Variants in ADAMTSL3 observed in about 807,000 individuals in gnomAD.
ADAMTSL3 encodes ADAMTS like 3, also known as ADAMTS-like protein 3.
In ADAMTSL3, 128 loss-of-function variants were observed where a neutral mutation model predicts 201.7. The ratio of observed to expected loss-of-function variants is 0.63; its 90% CI spans 0.55 to 0.73. The LOEUF (loss-of-function observed/expected upper bound fraction) is 0.73. Among genes scored for constraint, ADAMTSL3 ranks in the 30% least tolerant of loss-of-function variants. The pLI, the probability that ADAMTSL3 is intolerant of heterozygous loss-of-function variation, is 0.00. For synonymous variants in ADAMTSL3, 738 were observed against 748.4 expected, an observed-to-expected ratio of 0.99 and a Z score of 0.23; for missense variants, 1,990 against 2,119.6, an observed-to-expected ratio of 0.94 and a Z score of 1.20.
intron 23 of ADAMTSL3, among the ~76,000 whole-genome samples, chr15:84,003,262 C>G (rs1181617685): frequency 2.0e-5 from 3 of 151,936 alleles, no homozygotes; most frequent in Admixed American, 6.6e-5. Flanking sequence ...CCCACTTTTT[C>G]TTGGTTACCA....
At chr15:83,985,894 T>C (rs905553448) in intron 21 of ADAMTSL3, among the ~76,000 whole-genome samples, 16 of 152,068 alleles carry the variant, frequency 1.1e-4, no homozygotes, top group Non-Finnish European at 2.1e-4. Flanking sequence ...CCTCCCAAAG[T>C]GCTGGGATTA....
intron 2 of ADAMTSL3, among the ~76,000 whole-genome samples, chr15:83,699,032 C>G (rs2061727925): frequency 6.6e-6 from 1 of 151,976 alleles, no homozygotes; most frequent in South Asian, 2.1e-4. Context: ...GGGTGTCAGG[C>G]AAAGCCCTCT....
intron 6 of ADAMTSL3, among the ~76,000 whole-genome samples, chr15:83,827,523 C>T (rs1228830088): frequency 6.6e-6 from 1 of 152,078 alleles, no homozygotes; most frequent in Non-Finnish European, 1.5e-5. Context: ...TAGTTAGATC[C>T]CATTTGTCAA....
chr15:84,018,957 T>C (rs2068140767), intron 25 of ADAMTSL3, among the ~76,000 whole-genome samples: 2 of 152,114 alleles, frequency 1.3e-5, no homozygotes, highest in Admixed American at 1.3e-4. Context: ...GAATAATGAA[T>C]ACATAAGCCA....
chr15:83,864,240 G>A (rs2064927967), intron 8 of ADAMTSL3, among the ~76,000 whole-genome samples: 1 of 152,090 alleles, frequency 6.6e-6, no homozygotes, highest in South Asian at 2.1e-4. Context: ...AGAAAAAGAG[G>A]GAATCCTCCC....
chr15:84,024,071 C>T (rs775563153), intron 26 of ADAMTSL3, among the ~76,000 whole-genome samples: 12 of 152,068 alleles, frequency 7.9e-5, no homozygotes, highest in Non-Finnish European at 1.3e-4. Flanking sequence ...TTGGCTAACA[C>T]GGTGAAACCC....
intron 19 of ADAMTSL3, among the ~76,000 whole-genome samples, chr15:83,957,595 G>A (rs1257950583): frequency 3.9e-5 from 6 of 152,028 alleles, no homozygotes; most frequent in African/African-American, 1.4e-4. Context: ...GACAGGACAT[G>A]AGCAAAAAAG....
At chr15:83,962,999 T>A (rs896829536) in intron 19 of ADAMTSL3, among the ~76,000 whole-genome samples, 3 of 152,176 alleles carry the variant, frequency 2.0e-5, no homozygotes, top group Admixed American at 6.5e-5. Context: ...GTACTACACT[T>A]TTCCCATGGT....
At chr15:83,790,843 A>G (rs1438332693) in intron 4 of ADAMTSL3, among the ~76,000 whole-genome samples, 1 of 152,222 alleles carries the variant, frequency 6.6e-6, no homozygotes, top group Non-Finnish European at 1.5e-5. Flanking sequence ...AATCAATTGT[A>G]TTTCTCTTAC....
rs747456748 is a variant in ADAMTSL3 at position 83,895,176 on chromosome 15, A to G, written c.1467+2288A>G. On this transcript the variant is annotated intron_variant, in intron 13 of 29. Transcript: ENST00000286744. ...CGTGCCAGAATTCATGTGATGGTCTATCATCAAAAATTATTTTTAAGGGTC... is the reference window on the plus strand; with the variant it reads ...CGTGCCAGAATTCATGTGATGGTCTGTCATCAAAAATTATTTTTAAGGGTC... Among the ~76,000 whole-genome samples the G allele has an allele frequency of 3.9e-5, 6 of 152,214 alleles. No homozygotes were observed. The East Asian group carries it at 1.2e-3, about 29-fold the overall frequency.
At chr15:83,802,963 TTTATG>T (rs1448697955) in intron 4 of ADAMTSL3, among the ~76,000 whole-genome samples, 2 of 152,138 alleles carry the variant, frequency 1.3e-5, no homozygotes, top group Non-Finnish European at 2.9e-5. Flanking sequence ...GATGGTAAAT[TTTATG>T]TTATGTGTAT....
At chr15:83,942,280 C>G (rs926016238) in intron 17 of ADAMTSL3, among the ~76,000 whole-genome samples, 4 of 152,126 alleles carry the variant, frequency 2.6e-5, no homozygotes, top group African/African-American at 9.7e-5. Context: ...TGCCTTGGGG[C>G]TCCATTCAAA....
intron 19 of ADAMTSL3, among the ~76,000 whole-genome samples, chr15:83,944,292 G>C (rs1290574832): frequency 2.0e-5 from 3 of 152,150 alleles, no homozygotes; most frequent in African/African-American, 7.2e-5. Context: ...CTTTGCTCCA[G>C]TCTTGCTGCA....
chr15:83,715,273 C>T (rs1051698846), intron 3 of ADAMTSL3, among the ~76,000 whole-genome samples: 1 of 152,170 alleles, frequency 6.6e-6, no homozygotes. Flanking sequence ...TTGCCTCTTC[C>T]AGGAAACCAT....
chr15:83,857,937 AT>A (rs2141771425), intron 7 of ADAMTSL3, among the ~76,000 whole-genome samples: 2 of 152,358 alleles, frequency 1.3e-5, no homozygotes, highest in East Asian at 3.9e-4. Flanking sequence ...AATATCATAT[AT>A]GAGCTTAGAT....
intron 16 of ADAMTSL3, among the ~76,000 whole-genome samples, chr15:83,916,782 G>GAAAAA (rs1257316745): frequency 7.0e-5 from 6 of 85,772 alleles, no homozygotes; most frequent in Admixed American, 2.9e-4. Context: ...CCAGTCTTTA[G>GAAAAA]AAAAAAAATA....
chr15:83,726,319 A>T (rs1253287131), intron 3 of ADAMTSL3, among the ~76,000 whole-genome samples: 2 of 152,084 alleles, frequency 1.3e-5, no homozygotes, highest in Non-Finnish European at 2.9e-5. Context: ...TTTTCCAAAT[A>T]TAAGATCATA....
At position 84,038,101 on chromosome 15, in the gene ADAMTSL3, G is replaced by C; in HGVS notation, c.*295G>C. ...TGAATCGAGAAATCACCAAGATTAT[G>C]AGTGCATCCTCACGTGCTGCCTCTT... On this transcript the variant is annotated 3_prime_UTR_variant, in exon 30 of 30. Coordinates refer to ENST00000286744, the MANE Select transcript of ADAMTSL3 (RefSeq NM_207517.3). 2.8e-6 allele frequency: 1 copy of C among 351,864 alleles called. No individual in the cohort carries two copies. The highest frequency in any genetic ancestry group is 5.1e-6 in the Non-Finnish European group (1 of 195,136). The allele number at this position is 351,864 out of a possible 1,614,324, so 21.8% of individuals were successfully genotyped here.
Position 84,021,491 on chromosome 15 carries a change from G to C in ADAMTSL3, c.4355G>C (p.Cys1452Ser). Reference sequence around the variant, plus strand: ...GGAGCCCGCATTCAGAGACCCCAGTGTGTGATGGCCAATGGGCAGGAAGTG... The same window carrying C: ...GGAGCCCGCATTCAGAGACCCCAGTCTGTGATGGCCAATGGGCAGGAAGTG... ...HLGARIQRPQ[C>S]VMANGQEVSE... is the part of the protein sequence containing the mutation. The change falls in exon 26 of 30, where the codon TGT (cysteine) becomes TCT (serine). Residue 1452 changes from cysteine to serine, a missense_variant. By Grantham distance (112) the Cys-to-Ser change is moderately radical. Coordinates refer to ENST00000286744, the MANE Select transcript of ADAMTSL3 (RefSeq NM_207517.3). 1.2e-6 allele frequency: 2 copies of C among 1,614,160 alleles called. No individual in the cohort carries two copies. Among genetic ancestry groups the C allele is most frequent in the Non-Finnish European group, 1.7e-6 (2 of 1,180,032 alleles).
Sources: gnomAD v4.1 joint callset for allele counts (sites outside exome capture counted in the v4.1 genomes callset) on GRCh38, gnomAD v4.1.1 for gene constraint, MANE v1.5 for transcripts, NCBI Gene and HGNC (gene_info 2026-07-23, HGNC 2026-07-21) for gene names.